The following PPM1E variants were observed in gnomAD, a reference collection of about 807,000 sequenced individuals.
PPM1E encodes protein phosphatase 1E.
In PPM1E, 20 loss-of-function variants were observed where a neutral mutation model predicts 65.9. The observed-to-expected ratio is 0.30, with a 90% CI of 0.21 to 0.44. The LOEUF (loss-of-function observed/expected upper bound fraction) is 0.44. Among genes scored for constraint, PPM1E ranks in the 20% least tolerant of loss-of-function variants. PPM1E has a pLI of 1.00. For missense variants in PPM1E, 713 were observed against 953.1 expected, an observed-to-expected ratio of 0.75 and a Z score of 3.32; for synonymous variants, 352 against 374.9, an observed-to-expected ratio of 0.94 and a Z score of 0.70.
chr17:58,799,029 TC>T (rs2050234389), intron 1 of PPM1E, among the ~76,000 whole-genome samples: 1 of 152,180 alleles, frequency 6.6e-6, no homozygotes, highest in African/African-American at 2.4e-5. Flanking sequence ...TGTTTAGGTC[TC>T]TGATCCATTG....
chr17:58,816,586 T>C (rs1008393757), intron 1 of PPM1E, among the ~76,000 whole-genome samples: 1 of 150,794 alleles, frequency 6.6e-6, no homozygotes, highest in Admixed American at 6.6e-5. Flanking sequence ...CCTAGTAACC[T>C]CTATTCTACT....
intron 1 of PPM1E, among the ~76,000 whole-genome samples, chr17:58,851,237 G>A (rs1169317705): frequency 6.6e-6 from 1 of 152,062 alleles, no homozygotes; most frequent in African/African-American, 2.4e-5. Flanking sequence ...CCTGTAGCTC[G>A]GAGAAGTTTG....
intron 1 of PPM1E, among the ~76,000 whole-genome samples, chr17:58,925,318 C>G (rs1174193917): frequency 6.6e-6 from 1 of 151,982 alleles, no homozygotes; most frequent in Non-Finnish European, 1.5e-5. Context: ...TTGCGTTTCT[C>G]TAATCATTAG....
chr17:58,808,865 C>G (rs573543971), intron 1 of PPM1E, among the ~76,000 whole-genome samples: 1 of 151,998 alleles, frequency 6.6e-6, no homozygotes, highest in South Asian at 2.1e-4. Context: ...AAAAAAAAAA[C>G]TTATTTTAAG....
At chr17:58,949,564 T>C (rs1361866306) in intron 1 of PPM1E, among the ~76,000 whole-genome samples, 1 of 152,110 alleles carries the variant, frequency 6.6e-6, no homozygotes, top group East Asian at 1.9e-4. Flanking sequence ...CAGACATTTA[T>C]TGACTGTTTT....
At chr17:58,836,671 G>T (rs191282740) in intron 1 of PPM1E, among the ~76,000 whole-genome samples, 2 of 150,598 alleles carry the variant, frequency 1.3e-5, no homozygotes, top group African/African-American at 2.4e-5. Context: ...CACCATATTG[G>T]TCAGGCTGGT....
intron 1 of PPM1E, among the ~76,000 whole-genome samples, chr17:58,945,146 C>CTT (rs766042162): frequency 8.9e-5 from 12 of 135,032 alleles, no homozygotes; most frequent in Admixed American, 3.0e-4. Flanking sequence ...TCACACACTT[C>CTT]TTTTTTTTTT....
At chr17:58,847,996 A>C (rs2050788707) in intron 1 of PPM1E, among the ~76,000 whole-genome samples, 2 of 152,128 alleles carry the variant, frequency 1.3e-5, no homozygotes, top group African/African-American at 2.4e-5. Flanking sequence ...CATCCCTTGT[A>C]ATTGGATTTC....
chr17:58,879,735 T>G (rs967046715), intron 1 of PPM1E, among the ~76,000 whole-genome samples: 6 of 152,086 alleles, frequency 3.9e-5, no homozygotes, highest in African/African-American at 1.2e-4. Context: ...GGTCTCAATC[T>G]CCTGACCTCG....
At chr17:58,826,811 A>G (rs1435493454) in intron 1 of PPM1E, among the ~76,000 whole-genome samples, 3 of 151,528 alleles carry the variant, frequency 2.0e-5, no homozygotes, top group Non-Finnish European at 4.4e-5. Context: ...TTGTATTTTT[A>G]GTAGAGACGG....
intron 6 of PPM1E, among the ~76,000 whole-genome samples, chr17:58,976,988 AT>A (rs1236923583): frequency 1.3e-5 from 2 of 152,110 alleles, no homozygotes; most frequent in African/African-American, 4.8e-5. Context: ...ATTGGATTTT[AT>A]TTATTATTTA....
At chr17:58,935,021 G>A (rs2051959508) in intron 1 of PPM1E, among the ~76,000 whole-genome samples, 1 of 151,718 alleles carries the variant, frequency 6.6e-6, no homozygotes, top group South Asian at 2.1e-4. Context: ...GGGAGGCTGA[G>A]ACGGGCAGAT....
intron 2 of PPM1E, among the ~76,000 whole-genome samples, chr17:58,956,528 A>G (rs1283088207): frequency 6.6e-6 from 1 of 152,222 alleles, no homozygotes; most frequent in African/African-American, 2.4e-5. Flanking sequence ...TTGTAACACA[A>G]CTTCTCACTA....
chr17:58,954,779 G>A (rs1217691767), intron 1 of PPM1E, among the ~76,000 whole-genome samples: 5 of 150,234 alleles, frequency 3.3e-5, no homozygotes, highest in Non-Finnish European at 2.9e-5. Flanking sequence ...TCAGGAGGCT[G>A]AGGCATGAGA....
rs1334600334 is a variant in PPM1E at position 58,894,284 on chromosome 17, G to A, written c.465-61365G>A. 3.9e-5 allele frequency among the ~76,000 whole-genome samples: 6 copies of A among 152,092 alleles called. No individual in the cohort carries two copies. The East Asian group carries it at 1.2e-3, about 29-fold the overall frequency. On this transcript the variant is annotated intron_variant, in intron 1 of 6. Transcript: ENST00000308249. ...TTAACAGGTTTGCACCACCAGACCT[G>A]GCTAATTTTAATGAAGTCTATTTTT...
intron 1 of PPM1E, among the ~76,000 whole-genome samples, chr17:58,811,957 C>G (rs2050372493): frequency 6.6e-6 from 1 of 152,132 alleles, no homozygotes; most frequent in Non-Finnish European, 1.5e-5. Flanking sequence ...GTGTGAGACA[C>G]TGCTCCCGGC....
intron 1 of PPM1E, among the ~76,000 whole-genome samples, chr17:58,904,300 G>T (rs2051530496): frequency 6.6e-6 from 1 of 152,166 alleles, no homozygotes; most frequent in Admixed American, 6.5e-5. Context: ...ATCTTGCTCA[G>T]TTACACAGAA....
chr17:58,911,957 C>T (rs939458761), intron 1 of PPM1E, among the ~76,000 whole-genome samples: 3 of 152,196 alleles, frequency 2.0e-5, no homozygotes, highest in Admixed American at 6.6e-5. Flanking sequence ...GCCGCTTGCA[C>T]TTCTGGCCTC....
chr17:58,911,999 A>T (rs1383686628), intron 1 of PPM1E, among the ~76,000 whole-genome samples: 1 of 152,120 alleles, frequency 6.6e-6, no homozygotes, highest in Non-Finnish European at 1.5e-5. Context: ...GGAGAGAAGG[A>T]TTTTTTATCC....
Sources: gnomAD v4.1 joint callset for allele counts (sites outside exome capture counted in the v4.1 genomes callset) on GRCh38, gnomAD v4.1.1 for gene constraint, MANE v1.5 for transcripts, NCBI Gene and HGNC (gene_info 2026-07-23, HGNC 2026-07-21) for gene names.